Variants in PON3 observed in about 807,000 individuals in gnomAD.
The protein encoded by PON3 is paraoxonase 3, also known as serum paraoxonase/lactonase 3.
In PON3, 37 loss-of-function variants were observed where a neutral mutation model predicts 36.3. The observed-to-expected ratio is 1.02, with a 90% CI of 0.78 to 1.34. The LOEUF is 1.34. PON3 is among the 40% of genes most tolerant of loss of function. The pLI is 0.00. For missense variants in PON3, 415 were observed against 426.5 expected (o/e 0.97, Z 0.24); for synonymous variants, 155 against 154.8 (o/e 1.00, Z -0.01).
In PON3 at chr7:95,367,459, G is replaced by A. The variant is rs2116383017; in HGVS notation, c.397C>T (p.His133Tyr). ...TCCACAGTGGACTTCATGTGGGGAT[G>A]ATTCACAACATAAAGATACACAGTA... is the stretch of plus-strand genomic sequence containing the variant. ...DNTVYLYVVN[H>Y]PHMKSTVEIF... Residue 133 changes from histidine (H) to tyrosine (Y), a missense_variant, in exon 5 of 9, where the codon CAT becomes TAT. Transcript: ENST00000265627. 1 of 1,612,888 alleles carries A rather than the reference G, an allele frequency of 6.2e-7. No homozygotes were observed. Among genetic ancestry groups the A allele is most frequent in the Non-Finnish European group, 8.5e-7 (1 of 1,179,120 alleles).
chr7:95,382,151 C>T (rs529493776), intron 3 of PON3, among the ~76,000 whole-genome samples: 10 of 152,172 alleles, frequency 6.6e-5, no homozygotes, highest in Admixed American at 2.0e-4. Flanking sequence ...TCTTTGAAAC[C>T]GACGAGAACA....
At chr7:95,387,694 A>C (rs1809228573) in intron 3 of PON3, among the ~76,000 whole-genome samples, 1 of 152,232 alleles carries the variant, frequency 6.6e-6, no homozygotes, top group Non-Finnish European at 1.5e-5. Flanking sequence ...AGGAAAAAGA[A>C]CAAAGCTGGA....
intron 3 of PON3, among the ~76,000 whole-genome samples, chr7:95,378,095 G>A (rs1562773722): frequency 6.6e-6 from 1 of 152,154 alleles, no homozygotes; most frequent in Non-Finnish European, 1.5e-5. Flanking sequence ...CAAGGCATGA[G>A]AACTTCCTCA....
chr7:95,364,806 A>T (rs1315979117), intron 5 of PON3: 1 of 152,244 alleles, frequency 6.6e-6, no homozygotes, highest in Non-Finnish European at 1.5e-5. Context: ...TATGGGTGAT[A>T]TTCTTTCTTA....
chr7:95,372,867 T>C (rs138843312), intron 3 of PON3, among the ~76,000 whole-genome samples: 72 of 152,324 alleles, frequency 4.7e-4, no homozygotes, highest in Admixed American at 1.6e-3. Flanking sequence ...ACCAGTCTTA[T>C]ATAGTTGACT....
Position 95,385,988 on chromosome 7 carries a change from C to T in PON3, c.201+4166G>A, listed in dbSNP as rs115083072. On this transcript the variant is annotated intron_variant, in intron 3 of 8. Transcript: ENST00000265627. ...GGAAAGATCTAAAATCGACACCTAG[C>T]CCATTTACATTTAAGGTTAGCATTC... 2.8e-3 allele frequency among the ~76,000 whole-genome samples: 426 copies of T among 151,932 alleles called. 3 individuals carry two copies. Among genetic ancestry groups the T allele is most frequent in the African/African-American group, 9.6e-3 (399 of 41,506 alleles).
intron 5 of PON3, chr7:95,365,862 C>G (rs1808678688): frequency 6.6e-6 from 1 of 152,174 alleles, no homozygotes; most frequent in Non-Finnish European, 1.5e-5. Flanking sequence ...ATAGCATTCT[C>G]CCTGTATATC....
chr7:95,389,646 C>T (rs1204711243), intron 3 of PON3, among the ~76,000 whole-genome samples: 1 of 152,112 alleles, frequency 6.6e-6, no homozygotes, highest in Non-Finnish European at 1.5e-5. Context: ...CTCTATTTCT[C>T]TTTGAAAGAC....
chr7:95,366,885 A>G (rs1808705856), intron 5 of PON3, among the ~76,000 whole-genome samples: 1 of 152,250 alleles, frequency 6.6e-6, no homozygotes, highest in African/African-American at 2.4e-5. Flanking sequence ...GTCAATGCTT[A>G]ACAAATGTAA....
chr7:95,368,700 T>A (rs1380048877), intron 4 of PON3, among the ~76,000 whole-genome samples: 5 of 151,406 alleles, frequency 3.3e-5, no homozygotes, highest in African/African-American at 1.2e-4. Flanking sequence ...TTAAGGGAGA[T>A]GACAAACAAA....
rs1809365588 is a variant in PON3 at position 95,393,559 on chromosome 7, CA to C, written c.145+1084del. On this transcript the variant is annotated intron_variant, in intron 2 of 8. Transcript: ENST00000265627. ...ATTGGAGCTGTGGAGCCCAAATAAG[CA>C]GGTGTGGCATTAACTAGTAGGTGAG... Among the ~76,000 whole-genome samples the C allele has an allele frequency of 3.3e-5, 5 of 152,216 alleles. 1 individual carries two copies. The highest frequency in any genetic ancestry group is 1.2e-4 in the African/African-American group (5 of 41,534).
intron 4 of PON3, among the ~76,000 whole-genome samples, chr7:95,368,718 A>C (rs1039849926): frequency 2.0e-5 from 3 of 152,016 alleles, no homozygotes; most frequent in African/African-American, 7.2e-5. Flanking sequence ...AAATAAGATA[A>C]GCTGTGAATC....
At chr7:95,362,041 CTCTT>C (rs1259402629) in intron 8 of PON3, among the ~76,000 whole-genome samples, 1 of 152,148 alleles carries the variant, frequency 6.6e-6, no homozygotes. Context: ...ATACAACTCT[CTCTT>C]TGTCTAACTG....
intron 8 of PON3, among the ~76,000 whole-genome samples, chr7:95,360,448 G>C (rs1585715991): frequency 6.6e-6 from 1 of 152,090 alleles, no homozygotes; most frequent in East Asian, 1.9e-4. Flanking sequence ...CCCTCTGTGG[G>C]AAGAATCTTG....
intron 2 of PON3, 34 bp from the exon 3 acceptor site, chr7:95,390,243 A>T: frequency 1.3e-6 from 2 of 1,520,234 alleles, no homozygotes; most frequent in Non-Finnish European, 1.8e-6. Context: ...AAAAATGCAT[A>T]TATGAAGGCT....
chr7:95,394,370 G>A (rs1809384579), intron 2 of PON3, among the ~76,000 whole-genome samples: 1 of 152,210 alleles, frequency 6.6e-6, no homozygotes, highest in Admixed American at 6.5e-5. Flanking sequence ...TGGGAAAGGA[G>A]AAGCATTCAG....
chr7:95,388,242 A>G (rs1809242442), intron 3 of PON3, among the ~76,000 whole-genome samples: 2 of 152,338 alleles, frequency 1.3e-5, no homozygotes, highest in South Asian at 4.1e-4. Flanking sequence ...ACAAATTTAC[A>G]AGAAAAAAAC....
chr7:95,362,410 A>C lies in PON3; in HGVS notation c.858T>G (p.Asn286Lys), dbSNP rs748468066. Residue 286 changes from asparagine (N) to lysine (K), a missense_variant, in exon 8 of 9, where the codon AAT becomes AAG. Asn to Lys is a moderately conservative substitution (Grantham distance 94). Coordinates refer to ENST00000265627, the MANE Select transcript of PON3 (RefSeq NM_000940.3). ...TGDILAGCHP[N>K]PMKLLNYNPE... The stretch of plus-strand genomic sequence containing the variant: ...GGTTATAGTTCAGTAGCTTCATAGG[A>C]TTAGGATGGCATCCTGCCAAAATGT... The C allele has an allele frequency of 1.9e-6, 3 of 1,613,758 alleles. No homozygotes were observed. Among genetic ancestry groups the C allele is most frequent in the Non-Finnish European group, 2.5e-6 (3 of 1,179,762 alleles).
At chr7:95,369,027 A>G (rs1350974492) in intron 4 of PON3, among the ~76,000 whole-genome samples, 1 of 152,234 alleles carries the variant, frequency 6.6e-6, no homozygotes, top group East Asian at 1.9e-4. Flanking sequence ...TAAAAGACAC[A>G]GGATTAGAAG....
Sources: gnomAD v4.1 joint callset for allele counts (sites outside exome capture counted in the v4.1 genomes callset) on GRCh38, gnomAD v4.1.1 for gene constraint, MANE v1.5 for transcripts, NCBI Gene and HGNC (gene_info 2026-07-23, HGNC 2026-07-21) for gene names.